TIAM1: variants seen among roughly 807,000 people sequenced by gnomAD.
The protein encoded by TIAM1 is rho guanine nucleotide exchange factor TIAM1.
Under a neutral mutation model 163.5 loss-of-function variants are expected in TIAM1, and 65 were observed. The observed-to-expected ratio is 0.40, with a 90% CI of 0.33 to 0.49. The LOEUF is 0.49. TIAM1 is among the 20% of genes least tolerant of loss of function. TIAM1 has a pLI of 0.77. For missense variants in TIAM1, 1,789 were observed against 2,044.7 expected (o/e 0.87, Z 2.41); for synonymous variants, 833 against 810.1 (o/e 1.03, Z -0.48).
In TIAM1 at chr21:31,251,707, C is replaced by T. The variant is rs1368587300; in HGVS notation, c.1411+35G>A. The T allele has an allele frequency of 2.6e-6, 4 of 1,540,724 alleles. No individual in the cohort carries two copies. In the Admixed American group the frequency reaches 5.7e-5, roughly 22 times the overall value. On this transcript the variant is annotated intron_variant, in intron 5 of 27. Coordinates refer to ENST00000541036, the MANE Select transcript of TIAM1 (RefSeq NM_001353694.2). The stretch of plus-strand genomic sequence containing the variant: ...GCACAACGGGGCACCTCTATTGGTG[C>T]ATTTGGCACATAGCCGGGGCCCTCC...
intron 2 of TIAM1, among the ~76,000 whole-genome samples, chr21:31,460,622 T>C (rs2045289207): frequency 1.3e-5 from 2 of 152,104 alleles, no homozygotes; most frequent in Non-Finnish European, 2.9e-5. Context: ...CGAGACTCTG[T>C]CTCAAAAACA....
At chr21:31,417,306 G>A (rs1020340902) in intron 2 of TIAM1, among the ~76,000 whole-genome samples, 2 of 152,200 alleles carry the variant, frequency 1.3e-5, no homozygotes, top group Admixed American at 6.5e-5. Context: ...ACAGTTGTGA[G>A]CCACTGTGCC....
At chr21:31,379,471 G>A (rs2076741710) in intron 2 of TIAM1, among the ~76,000 whole-genome samples, 1 of 151,644 alleles carries the variant, frequency 6.6e-6, no homozygotes, top group African/African-American at 2.4e-5. Context: ...TGGACTCTAG[G>A]CAAGTTATAA....
At chr21:31,506,648 T>C (rs545898327) in intron 1 of TIAM1, among the ~76,000 whole-genome samples, 1 of 152,222 alleles carries the variant, frequency 6.6e-6, no homozygotes. Context: ...CCAGGCACAG[T>C]GGCTCATGCC....
At chr21:31,215,726 C>T (rs2087164013) in intron 9 of TIAM1, among the ~76,000 whole-genome samples, 1 of 151,964 alleles carries the variant, frequency 6.6e-6, no homozygotes, top group South Asian at 2.1e-4. Context: ...AAAAGTAAAA[C>T]CCATGGAAGC....
chr21:31,385,796 TTAA>T (rs1474882282), intron 2 of TIAM1, among the ~76,000 whole-genome samples: 109 of 147,434 alleles, frequency 7.4e-4, no homozygotes, highest in African/African-American at 2.5e-3. Flanking sequence ...ATAATAAATT[TTAA>T]TAATATTTAA....
chr21:31,474,805 C>CA (rs1463637252), intron 1 of TIAM1, among the ~76,000 whole-genome samples: 1 of 151,948 alleles, frequency 6.6e-6, no homozygotes, highest in Non-Finnish European at 1.5e-5. Context: ...CTTGGCCTCT[C>CA]AAAGTGCTGG....
intron 15 of TIAM1, among the ~76,000 whole-genome samples, chr21:31,169,261 T>C (rs2084390949): frequency 2.6e-5 from 4 of 152,200 alleles, no homozygotes; most frequent in Admixed American, 2.6e-4. Flanking sequence ...ACCACTGCAC[T>C]TCAGCCTGGC....
chr21:31,245,693 T>C lies in TIAM1; in HGVS notation c.1412-33A>G, dbSNP rs111411135. 4,840 of 1,451,432 alleles carry C rather than the reference T, an allele frequency of 3.3e-3. 34 individuals are homozygous for C. Among genetic ancestry groups the C allele is most frequent in the Middle Eastern group, 0.018 (96 of 5,410 alleles). The allele number at this position is 1,451,432 out of a possible 1,614,324, so 89.9% of individuals were successfully genotyped here. On this transcript the variant is annotated intron_variant, in intron 5 of 27. Coordinates refer to ENST00000541036, the MANE Select transcript of TIAM1 (RefSeq NM_001353694.2). ...AACAGAACAGGGGTGTGCATGAGTA[T>C]TCAGTGCTTGGGAAACAAAAGAACC... is the stretch of plus-strand genomic sequence containing the variant.
At chr21:31,148,967 TTTTTTG>T (rs1217272044) in intron 19 of TIAM1, among the ~76,000 whole-genome samples, 1,043 of 28,632 alleles carry the variant, frequency 0.036, 31 homozygotes, top group African/African-American at 0.099. Flanking sequence ...TTTTTCTTTT[TTTTTTG>T]GTCAAATATA....
chr21:31,153,109 T>C lies in TIAM1; in HGVS notation c.3197A>G (p.Tyr1066Cys). 4 of 1,613,300 alleles carry C rather than the reference T, an allele frequency of 2.5e-6. No homozygotes were observed. The highest frequency in any genetic ancestry group is 3.4e-6 in the Non-Finnish European group (4 of 1,179,772). Reference sequence around the variant, plus strand: ...AGTTTCTTTTTGAAGAGGCTTTAGGTATCTCTCCATAAGACAGTTTAAATC... The same window carrying C: ...AGTTTCTTTTTGAAGAGGCTTTAGGCATCTCTCCATAAGACAGTTTAAATC... ...VKDLNCLMER[Y>C]LKPLQKETFL... is the part of the protein sequence containing the mutation. Residue 1066 changes from tyrosine to cysteine, a missense_variant, in exon 18 of 28, where the codon TAC (tyrosine) becomes TGC (cysteine). Around this residue, in one of 5 missense-constraint regions of TIAM1, gnomAD observed 303 missense variants for 321.3 expected, o/e 0.94. Transcript: ENST00000541036.
chr21:31,343,319 T>G (rs139883732), intron 1 of TIAM1, among the ~76,000 whole-genome samples: 152 of 152,248 alleles, frequency 1.0e-3, no homozygotes, highest in African/African-American at 3.5e-3. Context: ...AAAACCTAAA[T>G]CCTGTCTGTG....
intron 2 of TIAM1, among the ~76,000 whole-genome samples, chr21:31,424,827 G>A (rs928060935): frequency 4.6e-5 from 7 of 152,178 alleles, no homozygotes; most frequent in African/African-American, 1.7e-4. Context: ...AAGGCAGGCG[G>A]ATCACTTGAG....
intron 6 of TIAM1, among the ~76,000 whole-genome samples, chr21:31,232,647 C>A (rs1244449358): frequency 6.6e-6 from 1 of 152,176 alleles, no homozygotes; most frequent in East Asian, 1.9e-4. Flanking sequence ...GATTTAAATT[C>A]TGACATGCTA....
At chr21:31,293,855 T>C (rs2074124168) in intron 2 of TIAM1, among the ~76,000 whole-genome samples, 1 of 152,178 alleles carries the variant, frequency 6.6e-6, no homozygotes, top group Admixed American at 6.5e-5. Context: ...TAAAATATAT[T>C]TACAGATTGG....
chr21:31,166,431 T>C (rs968763324), intron 15 of TIAM1, among the ~76,000 whole-genome samples: 1 of 152,218 alleles, frequency 6.6e-6, no homozygotes, highest in African/African-American at 2.4e-5. Flanking sequence ...GTAAGCTGCC[T>C]GGCAACACTT....
chr21:31,543,221 A>G (rs1482761185), intron 1 of TIAM1, among the ~76,000 whole-genome samples: 2 of 152,200 alleles, frequency 1.3e-5, no homozygotes, highest in Admixed American at 6.5e-5. Context: ...ATGGGCCCAT[A>G]GGGAAGTTGC....
chr21:31,372,925 C>T (rs968960141), intron 2 of TIAM1, among the ~76,000 whole-genome samples: 22 of 152,094 alleles, frequency 1.4e-4, no homozygotes, highest in African/African-American at 4.8e-4. Flanking sequence ...CGTGGTGGCG[C>T]ATGCCTGTAA....
chr21:31,203,029 A>C lies in TIAM1; in HGVS notation c.2389-17T>G. On this transcript the variant is annotated splice_polypyrimidine_tract_variant and intron_variant, in intron 11 of 27. Coordinates refer to ENST00000541036, the MANE Select transcript of TIAM1 (RefSeq NM_001353694.2). Reference sequence around the variant, plus strand: ...TTGATGTGTCTGGGACAAAAAAGAAAGAAAGAAAGAAAATGTCTGTTCAAT... The same window carrying C: ...TTGATGTGTCTGGGACAAAAAAGAACGAAAGAAAGAAAATGTCTGTTCAAT... 1 of 1,594,704 alleles carries C rather than the reference A, an allele frequency of 6.3e-7. No homozygotes were observed. The highest frequency in any genetic ancestry group is 1.7e-4 in the Middle Eastern group (1 of 6,012).
Sources: allele counts gnomAD v4.1 joint callset (sites outside exome capture counted in the v4.1 genomes callset), GRCh38; gene constraint gnomAD v4.1.1; regional missense constraint gnomAD v4.1.1; transcripts MANE v1.5; gene names NCBI Gene and HGNC (gene_info 2026-07-23, HGNC 2026-07-21).